Variants in ANO4 observed in about 807,000 individuals in gnomAD.
ANO4 encodes anoctamin 4, also known as anoctamin-4.
A neutral mutation model predicts 141.9 loss-of-function variants in ANO4; 69 were observed. The observed-to-expected ratio is 0.49, with a 90% CI of 0.40 to 0.59. The LOEUF is 0.59. Among genes scored for constraint, ANO4 ranks in the 20% least tolerant of loss-of-function variants. The pLI is 0.00. For missense variants in ANO4, 894 were observed against 1,162.2 expected, an observed-to-expected ratio of 0.77 and a Z score of 3.36; for synonymous variants, 350 against 394.3, an observed-to-expected ratio of 0.89 and a Z score of 1.33.
At chr12:101,050,642 A>G (rs2047823367) in intron 14 of ANO4, among the ~76,000 whole-genome samples, 1 of 152,242 alleles carries the variant, frequency 6.6e-6, no homozygotes, top group Non-Finnish European at 1.5e-5. Flanking sequence ...ACCTTAATGT[A>G]TATAGTATTC....
chr12:100,889,433 C>A (rs1164794290), intron 1 of ANO4, among the ~76,000 whole-genome samples: 1 of 152,112 alleles, frequency 6.6e-6, no homozygotes, highest in Non-Finnish European at 1.5e-5. Context: ...ATTTCTAGTT[C>A]TAGATCCCTG....
intron 14 of ANO4, chr12:101,068,778 C>T (rs626423): frequency 0.21 from 253,861 of 1,216,724 alleles, 31,807 homozygotes; most frequent in East Asian, 0.53. Flanking sequence ...GCTTACATAG[C>T]CTGGCTTTAG....
intron 2 of ANO4, among the ~76,000 whole-genome samples, chr12:100,911,985 T>G (rs948149479): frequency 3.3e-5 from 5 of 152,198 alleles, no homozygotes; most frequent in Admixed American, 2.0e-4. Flanking sequence ...CATTTAGTCC[T>G]CATAGCAGTC....
chr12:100,975,955 A>AAAAAC (rs1555266336), intron 7 of ANO4, among the ~76,000 whole-genome samples: 2 of 124,624 alleles, frequency 1.6e-5, no homozygotes, highest in African/African-American at 3.0e-5. Context: ...GAAAAAAAAA[A>AAAAAC]CCCACCAGAT....
intron 3 of ANO4, among the ~76,000 whole-genome samples, chr12:100,744,634 A>G (rs58157542): frequency 0.19 from 29,059 of 152,166 alleles, 3,206 homozygotes; most frequent in Non-Finnish European, 0.25. Flanking sequence ...CATCATCCAC[A>G]GTCCTAATCC....
intron 8 of ANO4, among the ~76,000 whole-genome samples, chr12:100,998,414 T>TCTATCTATCTAA (rs2045490443): frequency 6.6e-6 from 1 of 151,446 alleles, no homozygotes; most frequent in Non-Finnish European, 1.5e-5. Context: ...TATCTATCTA[T>TCTATCTATCTAA]CCATCCTATT....
chr12:100,974,204 T>G (rs1407211719), intron 6 of ANO4, among the ~76,000 whole-genome samples: 1 of 152,166 alleles, frequency 6.6e-6, no homozygotes, highest in African/African-American at 2.4e-5. Flanking sequence ...GACTGATTTT[T>G]GTATAGTTTC....
At chr12:101,069,277 G>A (rs1190332678) in intron 14 of ANO4, 1 of 937,138 alleles carries the variant, frequency 1.1e-6, no homozygotes, top group South Asian at 1.3e-5. Context: ...GTGAAAGAAA[G>A]CCAAACATCA....
chr12:100,833,427 C>T (rs1260536846), intron 1 of ANO4, among the ~76,000 whole-genome samples: 1 of 152,044 alleles, frequency 6.6e-6, no homozygotes, highest in South Asian at 2.1e-4. Context: ...GTGTTTCTTA[C>T]CCAATTCATG....
rs75790214 is a variant in ANO4 at position 100,947,081 on chromosome 12, C to T, written c.456+4546C>T. On this transcript the variant is annotated intron_variant, in intron 5 of 27. Transcript: ENST00000392977. Reference sequence around the variant, plus strand: ...AGAATGGGAAGAGAAAATACAGAGACAACGAATACAAACAGTTCTTTCAAT... The same window carrying T: ...AGAATGGGAAGAGAAAATACAGAGATAACGAATACAAACAGTTCTTTCAAT... Among the ~76,000 whole-genome samples, 603 of 152,190 alleles carry T rather than the reference C, an allele frequency of 4.0e-3. 31 individuals carry two copies. In the East Asian group the frequency reaches 0.098, roughly 25 times the overall value.
At chr12:100,873,137 T>G (rs186475282) in intron 1 of ANO4, among the ~76,000 whole-genome samples, 76 of 152,316 alleles carry the variant, frequency 5.0e-4, no homozygotes, top group Non-Finnish European at 7.2e-4. Flanking sequence ...GTGAGTCAAT[T>G]AAACCTTTTT....
chr12:100,860,963 A>T (rs2038439373), intron 1 of ANO4, among the ~76,000 whole-genome samples: 1 of 152,192 alleles, frequency 6.6e-6, no homozygotes, highest in Non-Finnish European at 1.5e-5. Flanking sequence ...GATGGCACAG[A>T]CCCAAAGAGT....
intron 2 of ANO4, among the ~76,000 whole-genome samples, chr12:100,919,609 A>G (rs1272241615): frequency 6.6e-6 from 1 of 151,740 alleles, no homozygotes. Flanking sequence ...ATATCTACCA[A>G]TGCATTTCTC....
intron 3 of ANO4, 64 bp from the exon 4 acceptor site, chr12:100,939,251 T>C (rs77281477): frequency 0.064 from 96,604 of 1,510,864 alleles, 3,543 homozygotes; most frequent in African/African-American, 0.072. Flanking sequence ...TGTTTTCTCT[T>C]TTAGCATTGC....
intron 3 of ANO4, among the ~76,000 whole-genome samples, chr12:100,936,411 CT>C (rs1323748344): frequency 6.6e-6 from 1 of 152,164 alleles, no homozygotes; most frequent in Non-Finnish European, 1.5e-5. Flanking sequence ...ATAAATATAT[CT>C]CCAAACAATG....
intron 14 of ANO4, among the ~76,000 whole-genome samples, chr12:101,076,602 C>A (rs960705416): frequency 8.6e-5 from 13 of 152,012 alleles, no homozygotes; most frequent in Non-Finnish European, 1.6e-4. Context: ...CAGATGAGAA[C>A]CATAGAGGGT....
In ANO4 at chr12:101,040,578, A is replaced by C. The variant is rs547031966; in HGVS notation, c.1019+502A>C. ...CAAAAAGTATATCAGCTTTTAACCT[A>C]TGATAATTGTGAAGTGGAAATGTAT... On this transcript the variant is annotated intron_variant, in intron 11 of 27. Coordinates refer to ENST00000392977, the MANE Select transcript of ANO4 (RefSeq NM_001286615.2). 6.6e-5 allele frequency among the ~76,000 whole-genome samples: 10 copies of C among 152,254 alleles called. No homozygotes were observed. In the South Asian group the frequency reaches 2.1e-3, roughly 32 times the overall value.
In ANO4 at chr12:100,987,343, G is replaced by A. The variant is rs181333729; in HGVS notation, c.603-196G>A. On this transcript the variant is annotated intron_variant, in intron 7 of 27. Coordinates refer to ENST00000392977, the MANE Select transcript of ANO4 (RefSeq NM_001286615.2). ...TTTCACAAACAGTAATAATATTGAG[G>A]CCACTTGGTGAAATCAAAACAACAC... is the stretch of plus-strand genomic sequence containing the variant. Among the ~76,000 whole-genome samples the A allele has an allele frequency of 5.9e-5, 9 of 152,206 alleles. No homozygotes were observed. In the East Asian group the frequency reaches 7.7e-4, roughly 13 times the overall value.
At chr12:100,729,755 A>G (rs1254641423) in intron 1 of ANO4, among the ~76,000 whole-genome samples, 1 of 152,192 alleles carries the variant, frequency 6.6e-6, no homozygotes, top group Non-Finnish European at 1.5e-5. Flanking sequence ...AGGTAAGAAT[A>G]CCTTCCTTCA....
Sources: gnomAD v4.1 joint callset for allele counts (sites outside exome capture counted in the v4.1 genomes callset) on GRCh38, gnomAD v4.1.1 for gene constraint, MANE v1.5 for transcripts, NCBI Gene and HGNC (gene_info 2026-07-23, HGNC 2026-07-21) for gene names.